The following SGCZ variants were observed in gnomAD, a reference collection of about 807,000 sequenced individuals.
SGCZ encodes the protein zeta-sarcoglycan.
SGCZ carries 40 observed loss-of-function variants against 41.3 expected under a neutral mutation model. That is an observed-to-expected ratio of 0.97 (90% confidence interval 0.75 to 1.26). SGCZ has a LOEUF of 1.26. Ranked by LOEUF, SGCZ falls within the 50% of genes most tolerant of loss-of-function variation. The pLI, the probability that SGCZ is intolerant of heterozygous loss-of-function variation, is 0.00. For missense variants in SGCZ, 552 were observed against 369.8 expected, an observed-to-expected ratio of 1.49 and a Z score of -4.04; for synonymous variants, 206 against 137.5, an observed-to-expected ratio of 1.50 and a Z score of -3.49.
At chr8:14,946,107 G>A (rs1172872456) in intron 1 of SGCZ, among the ~76,000 whole-genome samples, 6 of 127,180 alleles carry the variant, frequency 4.7e-5, no homozygotes, top group African/African-American at 1.8e-4. Context: ...TCTCTCTCAA[G>A]AACCCTGACT....
chr8:14,233,361 T>C (rs1297551982), intron 4 of SGCZ, among the ~76,000 whole-genome samples: 1 of 151,706 alleles, frequency 6.6e-6, no homozygotes, highest in East Asian at 1.9e-4. Flanking sequence ...AATCAACCTA[T>C]ACTTTGTAAA....
intron 1 of SGCZ, among the ~76,000 whole-genome samples, chr8:15,048,347 T>A (rs867073496): frequency 6.6e-6 from 1 of 151,848 alleles, no homozygotes; most frequent in Non-Finnish European, 1.5e-5. Flanking sequence ...AAGAAGAAGA[T>A]GAAGAGAGGT....
chr8:14,852,095 C>G (rs142413285), intron 1 of SGCZ, among the ~76,000 whole-genome samples: 1 of 152,086 alleles, frequency 6.6e-6, no homozygotes, highest in Non-Finnish European at 1.5e-5. Flanking sequence ...GGTCCCTAAA[C>G]TTCTTTGATC....
At chr8:14,271,004 G>A (rs34778087) in intron 3 of SGCZ, among the ~76,000 whole-genome samples, 39,190 of 151,968 alleles carry the variant, frequency 0.26, 6,477 homozygotes, top group Non-Finnish European at 0.37. Context: ...CAGTGAGAAC[G>A]CAAGGACACA....
At chr8:14,780,220 A>G (rs192178177) in intron 1 of SGCZ, among the ~76,000 whole-genome samples, 3 of 151,768 alleles carry the variant, frequency 2.0e-5, no homozygotes, top group East Asian at 1.9e-4. Context: ...TAAAAATACA[A>G]AAAAATTAGC....
intron 4 of SGCZ, among the ~76,000 whole-genome samples, chr8:14,195,854 A>C (rs951491711): frequency 2.4e-4 from 37 of 152,176 alleles, no homozygotes; most frequent in Non-Finnish European, 8.8e-5. Flanking sequence ...ATAGATGTAG[A>C]ATTACTGAAT....
intron 3 of SGCZ, among the ~76,000 whole-genome samples, chr8:14,270,784 T>A (rs890871908): frequency 1.3e-5 from 2 of 152,144 alleles, no homozygotes; most frequent in African/African-American, 2.4e-5. Context: ...TAGCAAAGAC[T>A]TGGAACCAAC....
chr8:14,567,838 G>A lies in SGCZ; in HGVS notation c.40-12912C>T, dbSNP rs374048664. On this transcript the variant is annotated intron_variant, in intron 1 of 7. Transcript: ENST00000382080. ...CCTTAAGAGCTGTAACACTCACTGC[G>A]AAGGTCTGCAGCTTCACTCCTGAGC... 5.9e-5 allele frequency among the ~76,000 whole-genome samples: 9 copies of A among 152,228 alleles called. No individual in the cohort carries two copies. The East Asian group carries it at 7.7e-4, about 13-fold the overall frequency.
chr8:14,799,058 A>G (rs1171694321), intron 1 of SGCZ, among the ~76,000 whole-genome samples: 2 of 151,936 alleles, frequency 1.3e-5, no homozygotes, highest in Non-Finnish European at 2.9e-5. Context: ...CATTATACAA[A>G]TTAAAAAATT....
chr8:14,909,361 G>C (rs1799213730), intron 1 of SGCZ, among the ~76,000 whole-genome samples: 1 of 151,860 alleles, frequency 6.6e-6, no homozygotes, highest in South Asian at 2.1e-4. Context: ...ATTTTTCTTG[G>C]TGTGAACTTC....
intron 2 of SGCZ, among the ~76,000 whole-genome samples, chr8:14,417,533 T>C (rs1367482880): frequency 1.3e-5 from 2 of 152,056 alleles, no homozygotes; most frequent in East Asian, 1.9e-4. Flanking sequence ...GATTGTTCCA[T>C]GAACTGTAAT....
intron 2 of SGCZ, among the ~76,000 whole-genome samples, chr8:14,417,676 G>A (rs1219756320): frequency 6.6e-6 from 1 of 151,644 alleles, no homozygotes; most frequent in East Asian, 1.9e-4. Flanking sequence ...TACTAATAAC[G>A]TATTGTACTC....
At chr8:15,080,207 C>G (rs1407592097) in intron 1 of SGCZ, among the ~76,000 whole-genome samples, 1 of 152,078 alleles carries the variant, frequency 6.6e-6, no homozygotes, top group Non-Finnish European at 1.5e-5. Flanking sequence ...TTTTTTATGA[C>G]ACAAGATTTC....
At chr8:14,355,979 A>T (rs1293745170) in intron 2 of SGCZ, among the ~76,000 whole-genome samples, 3 of 152,158 alleles carry the variant, frequency 2.0e-5, no homozygotes. Context: ...CATTCAGCAG[A>T]AAATATTCTT....
intron 1 of SGCZ, among the ~76,000 whole-genome samples, chr8:14,872,444 A>G (rs1421312748): frequency 6.6e-6 from 1 of 152,104 alleles, no homozygotes; most frequent in East Asian, 1.9e-4. Flanking sequence ...TAATATCTAA[A>G]GTGTTTAGAC....
intron 3 of SGCZ, among the ~76,000 whole-genome samples, chr8:14,257,053 A>T (rs1045674170): frequency 6.6e-6 from 1 of 152,134 alleles, no homozygotes; most frequent in African/African-American, 2.4e-5. Flanking sequence ...GTTTCTGGCC[A>T]GGCGTGGTGG....
chr8:14,926,435 A>G (rs368950229), intron 1 of SGCZ, among the ~76,000 whole-genome samples: 78 of 152,266 alleles, frequency 5.1e-4, no homozygotes, highest in South Asian at 1.5e-3. Context: ...TTGGATCTAG[A>G]TAAGTATCAT....
intron 2 of SGCZ, among the ~76,000 whole-genome samples, chr8:14,479,766 G>C (rs1585570617): frequency 1.4e-5 from 1 of 69,078 alleles, no homozygotes. Flanking sequence ...TTTTTTATTT[G>C]AGATGGAGTT....
chr8:14,503,536 G>A (rs578212727), intron 2 of SGCZ, among the ~76,000 whole-genome samples: 11 of 152,162 alleles, frequency 7.2e-5, no homozygotes, highest in African/African-American at 2.4e-4. Flanking sequence ...TTAGGAGGTT[G>A]AGGCAGGCAA....
Sources: gnomAD v4.1 joint callset for allele counts (sites outside exome capture counted in the v4.1 genomes callset) on GRCh38, gnomAD v4.1.1 for gene constraint, MANE v1.5 for transcripts, NCBI Gene and HGNC (gene_info 2026-07-23, HGNC 2026-07-21) for gene names.